FRMPD1: variants seen among roughly 807,000 people sequenced by gnomAD.
The protein encoded by FRMPD1 is FERM and PDZ domain-containing protein 1.
Under a neutral mutation model 117.8 loss-of-function variants are expected in FRMPD1, and 76 were observed. The ratio of observed to expected loss-of-function variants is 0.65; its 90% CI spans 0.54 to 0.78. FRMPD1 has a LOEUF of 0.78. Ranked by LOEUF, FRMPD1 falls within the 30% of genes least tolerant of loss-of-function variation. The pLI is 0.00. For synonymous variants in FRMPD1, 783 were observed against 770.4 expected, an observed-to-expected ratio of 1.02 and a Z score of -0.27; for missense variants, 1,786 against 1,964.5, an observed-to-expected ratio of 0.91 and a Z score of 1.72.
chr9:37,715,824 G>A (rs1039539858), intron 5 of FRMPD1: 3 of 413,860 alleles, frequency 7.2e-6, no homozygotes, highest in African/African-American at 6.2e-5. Context: ...TCCCAAAGCA[G>A]CCAGTTTCAT....
chr9:37,733,756 T>C lies in FRMPD1; in HGVS notation c.1149T>C (p.Arg383=). The C allele has an allele frequency of 6.2e-7, 1 of 1,608,130 alleles. No homozygotes were observed. Among genetic ancestry groups the C allele is most frequent in the Non-Finnish European group, 8.5e-7 (1 of 1,174,520 alleles). ...AACTTATTTCTGCTGCCCAGCTACG[T>C]TTAAATTATCTACAGATCCTCGGAG... ...QKQLISAAQL[R]LNYLQILGEL... Residue 383 remains arginine, a synonymous_variant, in exon 12 of 16, where the codon CGT becomes CGC. Coordinates refer to ENST00000377765, the MANE Select transcript of FRMPD1 (RefSeq NM_014907.3).
intron 13 of FRMPD1, 32 bp downstream of exon 13, chr9:37,735,766 CT>C: frequency 6.4e-7 from 1 of 1,552,870 alleles, no homozygotes; most frequent in Admixed American, 1.7e-5. Context: ...CTGAATTCAA[CT>C]GCTGGAATTT....
chr9:37,630,179 A>C, the FRMPD1 span, among the ~76,000 whole-genome samples: 1 of 152,158 alleles, frequency 6.6e-6, no homozygotes, highest in Non-Finnish European at 1.5e-5. Flanking sequence ...GGGGGGACAC[A>C]ATCATTCGGT....
At chr9:37,697,267 C>T (rs532277822) in intron 2 of FRMPD1, among the ~76,000 whole-genome samples, 6 of 152,098 alleles carry the variant, frequency 3.9e-5, no homozygotes, top group African/African-American at 9.7e-5. Flanking sequence ...CATATTCCAA[C>T]GGAAAAATAA....
chr9:37,634,341 A>G, the FRMPD1 span, among the ~76,000 whole-genome samples: 1 of 152,016 alleles, frequency 6.6e-6, no homozygotes, highest in African/African-American at 2.4e-5. Context: ...CTTTTCTTTT[A>G]CAATCCTTAG....
chr9:37,607,023 T>C, the FRMPD1 span, among the ~76,000 whole-genome samples: 1 of 152,174 alleles, frequency 6.6e-6, no homozygotes, highest in African/African-American at 2.4e-5. Context: ...GTAGAAATCA[T>C]TAGAAACATG....
At chr9:37,627,001 A>G in the FRMPD1 span, among the ~76,000 whole-genome samples, 2 of 152,144 alleles carry the variant, frequency 1.3e-5, no homozygotes, top group African/African-American at 4.8e-5. Context: ...AGAGCTCCAC[A>G]CATAATTGGA....
chr9:37,745,593 A>AC lies in FRMPD1; in HGVS notation c.3566dup (p.Gly1190ArgfsTer20). On this transcript the variant is annotated frameshift_variant, in exon 16 of 16. Coordinates refer to ENST00000377765, the MANE Select transcript of FRMPD1 (RefSeq NM_014907.3). LOFTEE classifies it high-confidence loss of function. ...GAGACCCTCAAGGACAGAGCAGAGA[A>AC]CCCCCAGGGCAAGGCTGCCAGGCTC... 1.2e-6 allele frequency: 2 copies of AC among 1,614,056 alleles called. No homozygotes were observed. The highest frequency in any genetic ancestry group is 1.7e-6 in the Non-Finnish European group (2 of 1,179,994).
the FRMPD1 span, among the ~76,000 whole-genome samples, chr9:37,645,100 GA>G: frequency 9.6e-4 from 115 of 119,532 alleles, no homozygotes; most frequent in Non-Finnish European, 1.1e-3. Flanking sequence ...TGAGCCAGCA[GA>G]AAAAAAAAAA....
intron 1 of FRMPD1, among the ~76,000 whole-genome samples, chr9:37,689,574 A>T (rs745899041): frequency 6.6e-6 from 1 of 152,144 alleles, no homozygotes; most frequent in Non-Finnish European, 1.5e-5. Context: ...ACCTTAATGC[A>T]TGCCTTCACA....
the FRMPD1 span, among the ~76,000 whole-genome samples, chr9:37,621,431 G>A: frequency 6.6e-6 from 1 of 152,170 alleles, no homozygotes; most frequent in South Asian, 2.1e-4. Context: ...TTTTGAAGAG[G>A]ATTTCTTTGG....
chr9:37,714,869 A>G (rs1823053056), intron 5 of FRMPD1, among the ~76,000 whole-genome samples: 2 of 152,076 alleles, frequency 1.3e-5, no homozygotes, highest in Admixed American at 1.3e-4. Context: ...GCTGGTCTTG[A>G]ACCCCTGACC....
the FRMPD1 span, among the ~76,000 whole-genome samples, chr9:37,611,882 C>T: frequency 6.6e-6 from 1 of 152,108 alleles, no homozygotes. Flanking sequence ...TGCAGCATTT[C>T]ACAGATCTGG....
chr9:37,644,720 C>T, the FRMPD1 span, among the ~76,000 whole-genome samples: 35 of 152,284 alleles, frequency 2.3e-4, no homozygotes, highest in Non-Finnish European at 7.4e-5. Context: ...TCATACCAGT[C>T]GCTTGAATTC....
chr9:37,636,975 C>T, the FRMPD1 span: 1 of 1,585,596 alleles, frequency 6.3e-7, no homozygotes, highest in Admixed American at 1.7e-5. Flanking sequence ...GCATGGCGGT[C>T]AATCTCCTGC....
the FRMPD1 span, chr9:37,637,333 C>G: frequency 1.0e-6 from 1 of 958,856 alleles, no homozygotes; most frequent in Non-Finnish European, 1.7e-6. Context: ...CCAGTCGGCT[C>G]TGCTCCGCCT....
At chr9:37,702,857 A>G (rs1188242778) in intron 2 of FRMPD1, among the ~76,000 whole-genome samples, 1 of 152,048 alleles carries the variant, frequency 6.6e-6, no homozygotes, top group Admixed American at 6.5e-5. Context: ...GGCCCACAAT[A>G]CTTTTTGATG....
intron 1 of FRMPD1, among the ~76,000 whole-genome samples, chr9:37,676,622 C>T (rs981294424): frequency 3.3e-5 from 5 of 152,102 alleles, no homozygotes; most frequent in Middle Eastern, 3.2e-3. Flanking sequence ...AAGAGGTTTC[C>T]GGATAGAATG....
chr9:37,697,868 G>C (rs1345607672), intron 2 of FRMPD1, among the ~76,000 whole-genome samples: 2 of 152,210 alleles, frequency 1.3e-5, no homozygotes, highest in African/African-American at 4.8e-5. Context: ...TGTAATCCCA[G>C]CACTTTGGGA....
Sources: allele counts gnomAD v4.1 joint callset (sites outside exome capture counted in the v4.1 genomes callset), GRCh38; gene constraint gnomAD v4.1.1; transcripts MANE v1.5; gene names NCBI Gene and HGNC (gene_info 2026-07-23, HGNC 2026-07-21).